The following ATRNL1 variants were observed in gnomAD, a reference collection of about 807,000 sequenced individuals.
ATRNL1 encodes attractin-like protein 1.
Under a neutral mutation model 182.7 loss-of-function variants are expected in ATRNL1, and 95 were observed. That is an observed-to-expected ratio of 0.52 (90% confidence interval 0.44 to 0.62). The LOEUF (loss-of-function observed/expected upper bound fraction) is 0.62, where lower values mean the gene tolerates loss of function less well. ATRNL1 is among the 20% of genes least tolerant of loss of function. ATRNL1 has a pLI of 0.00. For synonymous variants in ATRNL1, 576 were observed against 568.3 expected (o/e 1.01, Z -0.19); for missense variants, 1,471 against 1,679.5 (o/e 0.88, Z 2.17).
chr10:115,382,025 T>G (rs1229472500), intron 19 of ATRNL1, among the ~76,000 whole-genome samples: 1 of 152,158 alleles, frequency 6.6e-6, no homozygotes, highest in Non-Finnish European at 1.5e-5. Flanking sequence ...AATGGTTTAT[T>G]TTTGGACTTT....
intron 9 of ATRNL1, among the ~76,000 whole-genome samples, chr10:115,223,607 T>C (rs1199179543): frequency 6.6e-6 from 1 of 151,942 alleles, no homozygotes; most frequent in South Asian, 2.1e-4. Context: ...AACATTTGAA[T>C]AGGACAATGA....
At chr10:115,630,657 T>G (rs1555026001) in intron 26 of ATRNL1, among the ~76,000 whole-genome samples, 3 of 149,064 alleles carry the variant, frequency 2.0e-5, no homozygotes, top group African/African-American at 7.3e-5. Context: ...TATTTAAATA[T>G]TTAAATATAT....
intron 26 of ATRNL1, chr10:115,597,567 GCTT>G: frequency 5.5e-6 from 2 of 361,332 alleles, no homozygotes; most frequent in Non-Finnish European, 1.0e-5. Flanking sequence ...ATTTATGGGA[GCTT>G]TTTTTTTTTT....
intron 27 of ATRNL1, among the ~76,000 whole-genome samples, chr10:115,820,913 G>A (rs1950279693): frequency 1.3e-5 from 2 of 152,138 alleles, no homozygotes; most frequent in African/African-American, 2.4e-5. Context: ...CTGGTGGGAG[G>A]TGATGGGATC....
At chr10:115,400,247 C>T (rs1554956659) in intron 20 of ATRNL1, among the ~76,000 whole-genome samples, 1 of 151,984 alleles carries the variant, frequency 6.6e-6, no homozygotes, top group South Asian at 2.1e-4. Context: ...CAAAAATTAA[C>T]TCAAGTTGGA....
chr10:115,369,378 C>T (rs117695941), intron 19 of ATRNL1, among the ~76,000 whole-genome samples: 4 of 151,544 alleles, frequency 2.6e-5, no homozygotes, highest in East Asian at 1.9e-4. Flanking sequence ...GATGGGATTC[C>T]GTGAGAGGGA....
At chr10:115,389,230 G>A (rs1554953498) in intron 19 of ATRNL1, among the ~76,000 whole-genome samples, 2 of 151,854 alleles carry the variant, frequency 1.3e-5, no homozygotes, top group East Asian at 3.9e-4. Flanking sequence ...GCTGAGGCCG[G>A]GTGCGGTGGC....
rs374337651 is a variant in ATRNL1, at chr10:115,237,826, C to T, written c.1533-3745C>T. Among the ~76,000 whole-genome samples, 28 of 152,164 alleles carry T rather than the reference C, an allele frequency of 1.8e-4. 1 individual carries two copies. Among genetic ancestry groups the T allele is most frequent in the Admixed American group, 8.5e-4 (13 of 15,272 alleles). On this transcript the variant is annotated intron_variant, in intron 9 of 28. Coordinates refer to ENST00000355044, the MANE Select transcript of ATRNL1 (RefSeq NM_207303.4). ...CCCAGGTTACCTAGATTTTCTCCTG[C>T]GTTATCTTCTGGGAGTTTTATATTA...
intron 28 of ATRNL1, among the ~76,000 whole-genome samples, chr10:115,918,098 CT>C (rs534230786): frequency 0.032 from 3,956 of 123,754 alleles, 142 homozygotes; most frequent in African/African-American, 0.1. Context: ...TTTTTAGTGT[CT>C]TTTTTTTTTT....
At chr10:115,199,052 A>G (rs965818295) in intron 8 of ATRNL1, among the ~76,000 whole-genome samples, 2 of 151,930 alleles carry the variant, frequency 1.3e-5, no homozygotes, top group Non-Finnish European at 1.5e-5. Context: ...TGTCATTGAG[A>G]GTGTGGTAGG....
intron 27 of ATRNL1, among the ~76,000 whole-genome samples, chr10:115,818,192 T>C (rs1950211707): frequency 6.6e-6 from 1 of 151,706 alleles, no homozygotes; most frequent in African/African-American, 2.4e-5. Context: ...TCCGTTTTTT[T>C]TTTTTTTTTG....
At chr10:115,748,889 G>A (rs1282824833) in intron 27 of ATRNL1, among the ~76,000 whole-genome samples, 8 of 151,824 alleles carry the variant, frequency 5.3e-5, no homozygotes, top group South Asian at 2.1e-4. Flanking sequence ...ATCTAGATTC[G>A]GAATGCTTAT....
At chr10:115,324,627 T>C (rs1260778323) in intron 18 of ATRNL1, among the ~76,000 whole-genome samples, 6 of 152,252 alleles carry the variant, frequency 3.9e-5, no homozygotes, top group African/African-American at 1.2e-4. Flanking sequence ...TTCCCACAAG[T>C]TATGTTTTTC....
chr10:115,612,613 G>C (rs1022185143), intron 26 of ATRNL1, among the ~76,000 whole-genome samples: 4 of 152,188 alleles, frequency 2.6e-5, no homozygotes, highest in Non-Finnish European at 4.4e-5. Context: ...TGTGGAGACA[G>C]TATGTCAGGC....
intron 19 of ATRNL1, among the ~76,000 whole-genome samples, chr10:115,362,519 G>GT (rs148493482): frequency 0.072 from 10,066 of 139,646 alleles, 920 homozygotes; most frequent in African/African-American, 0.23. Flanking sequence ...GCAGTACATT[G>GT]TTTTTTTTTT....
At chr10:115,871,347 T>C (rs1335476205) in intron 28 of ATRNL1, among the ~76,000 whole-genome samples, 1 of 150,684 alleles carries the variant, frequency 6.6e-6, no homozygotes, top group African/African-American at 2.4e-5. Flanking sequence ...TTTAGGACTT[T>C]TTTTTTTTTG....
Position 115,269,509 on chromosome 10 carries a change from A to G in ATRNL1, c.2100+1065A>G, listed in dbSNP as rs376573557. Among the ~76,000 whole-genome samples the G allele has an allele frequency of 6.9e-4, 105 of 151,782 alleles. 2 individuals are homozygous for G. In the South Asian group the frequency reaches 0.021, roughly 31 times the overall value. ...ACCACCATGCCTAGCTAATTTTTAT[A>G]TTTTAGTAGAGACAGGGTTTCACCA... On this transcript the variant is annotated intron_variant, in intron 13 of 28. Transcript: ENST00000355044.
intron 5 of ATRNL1, among the ~76,000 whole-genome samples, chr10:115,144,188 C>A (rs1255368118): frequency 6.6e-6 from 1 of 151,830 alleles, no homozygotes; most frequent in African/African-American, 2.4e-5. Context: ...CATGCTGTCG[C>A]CCAGGCTGGA....
chr10:115,173,789 C>T (rs1208149120), intron 8 of ATRNL1, among the ~76,000 whole-genome samples: 1 of 151,202 alleles, frequency 6.6e-6, no homozygotes, highest in Non-Finnish European at 1.5e-5. Context: ...CAGTCTTTTC[C>T]TAGTATACCT....
Sources: allele counts gnomAD v4.1 joint callset (sites outside exome capture counted in the v4.1 genomes callset), GRCh38; gene constraint gnomAD v4.1.1; transcripts MANE v1.5; gene names NCBI Gene and HGNC (gene_info 2026-07-23, HGNC 2026-07-21).